The following RAB38 variants were observed in gnomAD, a reference collection of about 807,000 sequenced individuals.
RAB38 encodes the protein RAB38, member RAS oncogene family, also known as ras-related protein Rab-38.
RAB38 carries 15 observed loss-of-function variants against 18.4 expected under a neutral mutation model. The observed-to-expected ratio is 0.82, with a 90% CI of 0.55 to 1.26. RAB38 has a LOEUF of 1.26. Ranked by LOEUF, RAB38 falls within the 50% of genes most tolerant of loss-of-function variation. RAB38 has a pLI of 0.00. For missense variants in RAB38, 294 were observed against 267.4 expected, an observed-to-expected ratio of 1.10 and a Z score of -0.69; for synonymous variants, 101 against 104.4, an observed-to-expected ratio of 0.97 and a Z score of 0.20.
rs35028487 is a variant in RAB38 at position 88,118,857 on chromosome 11, C to T, written c.484-4717G>A. ...ACAAATGGAGTTAATTAAGCAGGTG[C>T]TTTGTTTATTAAATAATACTCACAT... On this transcript the variant is annotated intron_variant, in intron 2 of 2. Transcript: ENST00000243662. Among the ~76,000 whole-genome samples, 308 of 152,194 alleles carry T rather than the reference C, an allele frequency of 2.0e-3. 2 individuals are homozygous for T. The highest frequency in any genetic ancestry group is 7.1e-3 in the African/African-American group (293 of 41,520).
the RAB38 span, among the ~76,000 whole-genome samples, chr11:88,072,122 A>G: frequency 3.9e-5 from 6 of 152,234 alleles, no homozygotes; most frequent in African/African-American, 1.4e-4. Context: ...GAAATCAGCA[A>G]TGATTCATAT....
chr11:87,810,607 T>C, the RAB38 span, among the ~76,000 whole-genome samples: 2 of 152,190 alleles, frequency 1.3e-5, no homozygotes, highest in African/African-American at 4.8e-5. Context: ...GGAGGAAAAC[T>C]GGTCCTAACG....
chr11:87,977,778 TTATATC>T, the RAB38 span, among the ~76,000 whole-genome samples: 1 of 110,666 alleles, frequency 9.0e-6, no homozygotes, highest in South Asian at 2.9e-4. Context: ...TAGTTATATA[TTATATC>T]ATAGTTATAT....
chr11:88,130,639 A>C (rs1942755722), intron 2 of RAB38, among the ~76,000 whole-genome samples: 1 of 152,204 alleles, frequency 6.6e-6, no homozygotes, highest in Non-Finnish European at 1.5e-5. Flanking sequence ...CCTGCTGACA[A>C]GGTGACTATG....
the RAB38 span, among the ~76,000 whole-genome samples, chr11:88,007,648 A>G: frequency 3.9e-5 from 6 of 152,116 alleles, no homozygotes; most frequent in South Asian, 2.1e-4. Flanking sequence ...TGGTGAAAGC[A>G]TAAGGTGATA....
chr11:88,123,997 T>C (rs12293436), intron 2 of RAB38, among the ~76,000 whole-genome samples: 18,348 of 152,186 alleles, frequency 0.12, 1,545 homozygotes, highest in African/African-American at 0.23. Flanking sequence ...AACTCTTTAG[T>C]AGAGAGTTTG....
At chr11:87,927,560 C>A in the RAB38 span, among the ~76,000 whole-genome samples, 11 of 152,038 alleles carry the variant, frequency 7.2e-5, no homozygotes, top group South Asian at 2.1e-3. Context: ...ATCTAAGAAG[C>A]CTTCCTCCTA....
At chr11:88,135,909 A>G (rs1251810214) in intron 2 of RAB38, among the ~76,000 whole-genome samples, 1 of 152,206 alleles carries the variant, frequency 6.6e-6, no homozygotes. Flanking sequence ...ACAGCTAACC[A>G]ACAATTTTAC....
chr11:87,976,128 A>T, the RAB38 span, among the ~76,000 whole-genome samples: 2 of 149,076 alleles, frequency 1.3e-5, no homozygotes, highest in Non-Finnish European at 3.0e-5. Flanking sequence ...AAATATATAT[A>T]TGTGTGTGTG....
chr11:87,946,790 T>C, the RAB38 span, among the ~76,000 whole-genome samples: 1,902 of 152,342 alleles, frequency 0.012, 23 homozygotes, highest in Non-Finnish European at 0.02. Context: ...CAGGCTATCA[T>C]TGTTGGACAT....
At chr11:88,155,366 T>C (rs1943112468) in intron 1 of RAB38, among the ~76,000 whole-genome samples, 1 of 152,102 alleles carries the variant, frequency 6.6e-6, no homozygotes, top group South Asian at 2.1e-4. Flanking sequence ...GCATAAGCAC[T>C]ATCTACTGAC....
the RAB38 span, among the ~76,000 whole-genome samples, chr11:87,814,740 C>CT: frequency 2.4e-3 from 357 of 146,648 alleles, 1 homozygote; most frequent in Middle Eastern, 7.0e-3. Flanking sequence ...TTTTCTTTTT[C>CT]TTTTTTTTTT....
chr11:87,955,116 G>A, the RAB38 span, among the ~76,000 whole-genome samples: 1 of 152,112 alleles, frequency 6.6e-6, no homozygotes, highest in South Asian at 2.1e-4. Flanking sequence ...CTGGCCCATG[G>A]GTGCCCCATC....
At chr11:88,048,311 C>A in the RAB38 span, among the ~76,000 whole-genome samples, 17 of 152,082 alleles carry the variant, frequency 1.1e-4, no homozygotes, top group Non-Finnish European at 1.9e-4. Flanking sequence ...TCGGTTTGGC[C>A]TTCTCACTTC....
chr11:87,972,426 C>T, the RAB38 span, among the ~76,000 whole-genome samples: 1 of 151,846 alleles, frequency 6.6e-6, no homozygotes, highest in Non-Finnish European at 1.5e-5. Context: ...GCACTGACAC[C>T]CACGCTTATA....
the RAB38 span, among the ~76,000 whole-genome samples, chr11:88,043,608 C>CG: frequency 7.2e-6 from 1 of 138,642 alleles, no homozygotes; most frequent in African/African-American, 2.7e-5. Context: ...TGTGACCCCC[C>CG]CACCCTGCCC....
chr11:88,152,581 A>G (rs1318565778), intron 1 of RAB38, among the ~76,000 whole-genome samples: 2 of 152,170 alleles, frequency 1.3e-5, no homozygotes, highest in Admixed American at 1.3e-4. Context: ...GCATTCCAGC[A>G]AGAGGTCACA....
At chr11:88,069,631 A>G in the RAB38 span, among the ~76,000 whole-genome samples, 1 of 151,920 alleles carries the variant, frequency 6.6e-6, no homozygotes, top group Admixed American at 6.5e-5. Context: ...GTATCTAGCT[A>G]ATCTGGTGGG....
chr11:87,951,043 C>T, the RAB38 span, among the ~76,000 whole-genome samples: 3 of 152,190 alleles, frequency 2.0e-5, no homozygotes, highest in African/African-American at 7.2e-5. Flanking sequence ...TAGAGTTGGT[C>T]TTTTCATATA....
Sources: gnomAD v4.1 joint callset for allele counts (sites outside exome capture counted in the v4.1 genomes callset) on GRCh38, gnomAD v4.1.1 for gene constraint, MANE v1.5 for transcripts, NCBI Gene and HGNC (gene_info 2026-07-23, HGNC 2026-07-21) for gene names.